The following PPP4R4 variants were observed in gnomAD, a reference collection of about 807,000 sequenced individuals.
PPP4R4 encodes the protein protein phosphatase 4 regulatory subunit 4.
PPP4R4 carries 70 observed loss-of-function variants against 121.8 expected under a neutral mutation model. That is an observed-to-expected ratio of 0.57 (90% CI 0.47 to 0.70). PPP4R4 has a LOEUF of 0.70. Among genes scored for constraint, PPP4R4 ranks in the 30% least tolerant of loss-of-function variants. The pLI is 0.00. For synonymous variants in PPP4R4, 348 were observed against 355.7 expected, an observed-to-expected ratio of 0.98 and a Z score of 0.24; for missense variants, 875 against 1,033.6, an observed-to-expected ratio of 0.85 and a Z score of 2.10.
At chr14:94,250,041 T>C (rs1417083935) in intron 14 of PPP4R4, 131 bp from the exon 15 acceptor site, 7 of 599,034 alleles carry the variant, frequency 1.2e-5, no homozygotes, top group Middle Eastern at 3.1e-4. Context: ...TCCAGAAGGA[T>C]GTAAGTTCAG....
chr14:94,206,501 T>A (rs1890468287), intron 2 of PPP4R4, among the ~76,000 whole-genome samples: 1 of 152,038 alleles, frequency 6.6e-6, no homozygotes, highest in Non-Finnish European at 1.5e-5. Flanking sequence ...ATCATTTTAT[T>A]TTTTATTTGT....
intron 23 of PPP4R4, among the ~76,000 whole-genome samples, chr14:94,273,500 C>G (rs902527144): frequency 5.9e-5 from 9 of 152,068 alleles, no homozygotes; most frequent in Admixed American, 5.9e-4. Flanking sequence ...ATTTTTAGGG[C>G]AGTGAAAACA....
chr14:94,192,412 G>A (rs1050042854), intron 2 of PPP4R4, among the ~76,000 whole-genome samples: 8 of 152,016 alleles, frequency 5.3e-5, no homozygotes, highest in Non-Finnish European at 1.2e-4. Flanking sequence ...ATTCTCTAAG[G>A]TAATCATTTA....
rs770262282 is a variant in PPP4R4, at chr14:94,230,549, T to G, written c.295-38T>G. ...TTTAAAAATTATAATTTGTGATCTC[T>G]CATCTATGTAAATAGCAAACTCTTT... is the stretch of plus-strand genomic sequence containing the variant. On this transcript the variant is annotated intron_variant, in intron 3 of 24. Coordinates refer to ENST00000304338, the MANE Select transcript of PPP4R4 (RefSeq NM_058237.2). 7.7e-6 allele frequency: 12 copies of G among 1,553,780 alleles called. No individual in the cohort carries two copies. In the African/African-American group the frequency reaches 1.5e-4, roughly 20 times the overall value.
At chr14:94,187,184 C>G (rs1334197389) in intron 2 of PPP4R4, among the ~76,000 whole-genome samples, 3 of 151,928 alleles carry the variant, frequency 2.0e-5, no homozygotes, top group Non-Finnish European at 4.4e-5. Context: ...TGTTGGTGGG[C>G]ACCTGTAATC....
At chr14:94,265,596 C>A in intron 21 of PPP4R4, 123 bp downstream of exon 21, 1 of 907,332 alleles carries the variant, frequency 1.1e-6, no homozygotes, top group Non-Finnish European at 1.7e-6. Context: ...AAGCACTTTT[C>A]ACCTTCTATC....
rs758333226 is a variant in PPP4R4, at chr14:94,265,492, T to G, written c.2284+19T>G. 6.4e-7 allele frequency: 1 copy of G among 1,570,950 alleles called. No homozygotes were observed. The highest frequency in any genetic ancestry group is 1.7e-5 in the Admixed American group (1 of 59,726). On this transcript the variant is annotated intron_variant, in intron 21 of 24. Coordinates refer to ENST00000304338, the MANE Select transcript of PPP4R4 (RefSeq NM_058237.2). ...TCGACAAGTAAGAAATAACTTCTTT[T>G]TATATCTTTTTGTAATTTTTCTTCC...
rs1950643 is a variant in PPP4R4 at position 94,279,233 on chromosome 14, G to A, written c.*590G>A. The A allele has an allele frequency of 0.24, 36,271 of 152,472 alleles. 5,195 individuals carry two copies. Among genetic ancestry groups the A allele is most frequent in the East Asian group, 0.59 (3,043 of 5,162 alleles). 9.4% of individuals were successfully genotyped at this position (152,472 alleles called of 1,614,324 possible). A position where few individuals can be genotyped will look rare whatever the true frequency, so the allele number is the denominator to read the frequency against. On this transcript the variant is annotated 3_prime_UTR_variant, in exon 25 of 25. Transcript: ENST00000304338. ...GACATTCCCAAATTTAAATTTGGCA[G>A]TGAAAATTCCACAAAGATTTCTGGT...
chr14:94,186,235 T>TTA (rs1425647017), intron 2 of PPP4R4, among the ~76,000 whole-genome samples: 1 of 152,184 alleles, frequency 6.6e-6, no homozygotes, highest in Non-Finnish European at 1.5e-5. Flanking sequence ...AAACACTACT[T>TTA]GTGTGCTTAG....
chr14:94,276,164 C>G (rs1894629264), intron 24 of PPP4R4, among the ~76,000 whole-genome samples: 1 of 152,174 alleles, frequency 6.6e-6, no homozygotes, highest in South Asian at 2.1e-4. Flanking sequence ...CCAGGATACC[C>G]AAACCATAGT....
chr14:94,214,022 A>G (rs1020862877), intron 3 of PPP4R4, among the ~76,000 whole-genome samples: 2 of 152,152 alleles, frequency 1.3e-5, no homozygotes, highest in African/African-American at 2.4e-5. Flanking sequence ...TTTCTTTCAT[A>G]AGGGCAGAAT....
chr14:94,231,266 C>T lies in PPP4R4; in HGVS notation c.467C>T (p.Thr156Ile). The T allele has an allele frequency of 6.2e-7, 1 of 1,612,346 alleles. No homozygotes were observed. The highest frequency in any genetic ancestry group is 8.5e-7 in the Non-Finnish European group (1 of 1,178,718). Residue 156 changes from threonine to isoleucine, a missense_variant, in exon 5 of 25, where the codon ACT becomes ATT. Thr to Ile is a moderately conservative substitution (Grantham distance 89). Transcript: ENST00000304338. ...GGTGTCAGCAATGCATGGCTGGAAA[C>T]TCTTCTGTCTGTTATAGAAGTATTG... ...DTGVSNAWLETLLSVIEVLPK... is the reference protein window; with the variant it reads ...DTGVSNAWLEILLSVIEVLPK...
At chr14:94,180,198 A>G (rs910458224) in intron 2 of PPP4R4, among the ~76,000 whole-genome samples, 1 of 152,198 alleles carries the variant, frequency 6.6e-6, no homozygotes, top group Non-Finnish European at 1.5e-5. Context: ...CTCAAGTTAC[A>G]TTTAAAACTT....
chr14:94,184,097 A>C (rs932008313), intron 2 of PPP4R4, among the ~76,000 whole-genome samples: 5 of 152,202 alleles, frequency 3.3e-5, no homozygotes, highest in African/African-American at 4.8e-5. Context: ...ACACAGGGAC[A>C]TAGGAAGATT....
chr14:94,237,014 T>A (rs1035848664), intron 7 of PPP4R4, among the ~76,000 whole-genome samples: 1 of 152,136 alleles, frequency 6.6e-6, no homozygotes, highest in Admixed American at 6.6e-5. Context: ...ATACAAACTA[T>A]TTGTGATTGT....
At chr14:94,209,113 A>G (rs1230049128) in intron 3 of PPP4R4, among the ~76,000 whole-genome samples, 1 of 151,862 alleles carries the variant, frequency 6.6e-6, no homozygotes, top group Non-Finnish European at 1.5e-5. Flanking sequence ...TCTGACTAAT[A>G]TTTATTGATT....
chr14:94,231,227 A>C lies in PPP4R4; in HGVS notation c.443-15A>C. ...TGAGACGTTTAATTTAGTATGTTTTATCTCTGTCAACCAGGTGTCAGCAAT... is the reference window on the plus strand; with the variant it reads ...TGAGACGTTTAATTTAGTATGTTTTCTCTCTGTCAACCAGGTGTCAGCAAT... On this transcript the variant is annotated splice_polypyrimidine_tract_variant and intron_variant, in intron 4 of 24. Transcript: ENST00000304338. 6.2e-7 allele frequency: 1 copy of C among 1,600,706 alleles called. No individual in the cohort carries two copies. The highest frequency in any genetic ancestry group is 8.6e-7 in the Non-Finnish European group (1 of 1,168,624).
chr14:94,210,817 A>G (rs1215175953), intron 3 of PPP4R4, among the ~76,000 whole-genome samples: 1 of 152,182 alleles, frequency 6.6e-6, no homozygotes, highest in Non-Finnish European at 1.5e-5. Flanking sequence ...TCGATAGTCT[A>G]ATATATAATG....
intron 23 of PPP4R4, among the ~76,000 whole-genome samples, chr14:94,269,904 T>A (rs1237096369): frequency 6.6e-6 from 1 of 152,206 alleles, no homozygotes; most frequent in East Asian, 1.9e-4. Context: ...GTATCCTGGA[T>A]GGGATCCTGA....
Sources: gnomAD v4.1 joint callset for allele counts (sites outside exome capture counted in the v4.1 genomes callset) on GRCh38, gnomAD v4.1.1 for gene constraint, MANE v1.5 for transcripts, NCBI Gene and HGNC (gene_info 2026-07-23, HGNC 2026-07-21) for gene names.